The following DPYD variants were observed in gnomAD, a reference collection of about 807,000 sequenced individuals.
The protein encoded by DPYD is dihydropyrimidine dehydrogenase [NADP(+)].
DPYD carries 109 observed loss-of-function variants against 116.2 expected under a neutral mutation model. That is an observed-to-expected ratio of 0.94 (90% CI 0.80 to 1.10). The LOEUF is 1.10. DPYD is among the 50% of genes least tolerant of loss of function. The pLI, the probability that DPYD is intolerant of heterozygous loss-of-function variation, is 0.00. For missense variants in DPYD, 1,302 were observed against 1,254.5 expected (o/e 1.04, Z -0.57); for synonymous variants, 440 against 432.0 (o/e 1.02, Z -0.23).
chr1:97,677,756 A>C (rs1660222610), intron 8 of DPYD, among the ~76,000 whole-genome samples: 1 of 152,006 alleles, frequency 6.6e-6, no homozygotes, highest in Non-Finnish European at 1.5e-5. Context: ...ATTGCTTTCC[A>C]TAATTTTTTG....
chr1:97,301,336 G>T (rs1666849036), intron 18 of DPYD, among the ~76,000 whole-genome samples: 1 of 152,000 alleles, frequency 6.6e-6, no homozygotes, highest in African/African-American at 2.4e-5. Context: ...CTTCAAACAA[G>T]CATTCAAAAT....
chr1:97,655,771 C>T (rs1449940639), intron 8 of DPYD, among the ~76,000 whole-genome samples: 3 of 152,182 alleles, frequency 2.0e-5, no homozygotes, highest in Non-Finnish European at 2.9e-5. Flanking sequence ...AAACTGTACA[C>T]ATTTGATATA....
chr1:97,903,744 A>G (rs1236433785), intron 1 of DPYD, among the ~76,000 whole-genome samples: 2 of 151,980 alleles, frequency 1.3e-5, no homozygotes, highest in Non-Finnish European at 1.5e-5. Context: ...CCAAATATCT[A>G]GAGTTTTAAA....
intron 18 of DPYD, among the ~76,000 whole-genome samples, chr1:97,303,033 T>C (rs1349575936): frequency 4.6e-5 from 7 of 151,972 alleles, no homozygotes; most frequent in Admixed American, 3.9e-4. Flanking sequence ...TCCTGAAATG[T>C]GCCCAGTTTT....
At chr1:97,525,789 A>AGAGAGAGAGAGAGT (rs1431555133) in intron 12 of DPYD, among the ~76,000 whole-genome samples, 22 of 142,610 alleles carry the variant, frequency 1.5e-4, no homozygotes, top group African/African-American at 2.7e-4. Flanking sequence ...AGAGAGAGAG[A>AGAGAGAGAGAGAGT]GTGTGTGTGT....
intron 19 of DPYD, among the ~76,000 whole-genome samples, chr1:97,232,809 C>A (rs1661665965): frequency 6.6e-6 from 1 of 152,044 alleles, no homozygotes; most frequent in Non-Finnish European, 1.5e-5. Context: ...TTGTTTCAAT[C>A]ATACTTGTAG....
intron 7 of DPYD, among the ~76,000 whole-genome samples, chr1:97,687,972 T>G (rs768936672): frequency 3.3e-5 from 5 of 151,976 alleles, no homozygotes; most frequent in Non-Finnish European, 5.9e-5. Flanking sequence ...CTGGGGCCAG[T>G]TGAGTGGGGC....
rs144439286 is a variant in DPYD, at chr1:97,750,465, T to C, written c.234-9986A>G. On this transcript the variant is annotated intron_variant, in intron 3 of 22. Coordinates refer to ENST00000370192, the MANE Select transcript of DPYD (RefSeq NM_000110.4). Reference sequence around the variant, plus strand: ...GACTAAGATTTGGGATAGATTTTACTTTTCACAATGCTATATTGTTTGCGT... The same window carrying C: ...GACTAAGATTTGGGATAGATTTTACCTTTCACAATGCTATATTGTTTGCGT... 2.4e-3 allele frequency among the ~76,000 whole-genome samples: 360 copies of C among 152,318 alleles called. 5 individuals are homozygous for C. The highest frequency in any genetic ancestry group is 8.3e-3 in the African/African-American group (345 of 41,574).
At chr1:97,870,563 T>C (rs1210480680) in intron 2 of DPYD, among the ~76,000 whole-genome samples, 2 of 151,948 alleles carry the variant, frequency 1.3e-5, no homozygotes, top group East Asian at 3.9e-4. Context: ...GTACATGCAA[T>C]ATTAATGATC....
chr1:97,252,156 T>C (rs1663145698), intron 18 of DPYD, among the ~76,000 whole-genome samples: 1 of 152,126 alleles, frequency 6.6e-6, no homozygotes, highest in African/African-American at 2.4e-5. Context: ...CTTTCTCTAT[T>C]TGCTATTTTT....
chr1:97,137,724 T>C (rs1371252063), intron 20 of DPYD, among the ~76,000 whole-genome samples: 1 of 152,202 alleles, frequency 6.6e-6, no homozygotes, highest in Non-Finnish European at 1.5e-5. Context: ...CAAGCAGGCC[T>C]AAAGTATTTA....
chr1:97,488,677 G>A (rs1356394793), intron 13 of DPYD, among the ~76,000 whole-genome samples: 1 of 152,110 alleles, frequency 6.6e-6, no homozygotes, highest in Non-Finnish European at 1.5e-5. Context: ...CAGGGCCAGG[G>A]CAGAAGCAGC....
At chr1:97,293,528 T>G (rs1558006628) in intron 18 of DPYD, among the ~76,000 whole-genome samples, 1 of 152,214 alleles carries the variant, frequency 6.6e-6, no homozygotes. Context: ...GCATAACATG[T>G]GAAAAGCTCC....
chr1:97,578,946 A>G (rs993549126), intron 10 of DPYD, among the ~76,000 whole-genome samples: 1 of 152,254 alleles, frequency 6.6e-6, no homozygotes, highest in African/African-American at 2.4e-5. Flanking sequence ...TACACAGAAC[A>G]TATTATCTTA....
At chr1:97,632,225 A>C (rs552748510) in intron 8 of DPYD, among the ~76,000 whole-genome samples, 1 of 152,218 alleles carries the variant, frequency 6.6e-6, no homozygotes, top group Non-Finnish European at 1.5e-5. Flanking sequence ...TAAATGTTCA[A>C]TGAAACATCC....
At chr1:97,109,733 G>A (rs1239076678) in intron 20 of DPYD, among the ~76,000 whole-genome samples, 1 of 152,026 alleles carries the variant, frequency 6.6e-6, no homozygotes, top group Non-Finnish European at 1.5e-5. Flanking sequence ...CCTATTTAGA[G>A]TTACAGTTCA....
In DPYD at chr1:97,515,821, C is replaced by G. The variant is rs140039091; in HGVS notation, c.1645G>C (p.Ala549Pro). Residue 549 changes from alanine (A) to proline (P), a missense_variant, in exon 13 of 23, where the codon GCT (alanine) becomes CCT (proline). By Grantham distance (27) the Ala-to-Pro change is conservative. Coordinates refer to ENST00000370192, the MANE Select transcript of DPYD (RefSeq NM_000110.4). ...GTGCTGGTGGCTGGAGTTGCGCTAG[C>G]AAGACCAAAAGGATTTATAAACTTC... ...GLKFINPFGL[A>P]SATPATSTSM... is the part of the protein sequence containing the mutation. 1.4e-5 allele frequency: 23 copies of G among 1,612,780 alleles called. No individual in the cohort carries two copies. Among genetic ancestry groups the G allele is most frequent in the Non-Finnish European group, 1.7e-5 (20 of 1,179,298 alleles).
At chr1:97,468,045 T>C (rs1677428533) in intron 13 of DPYD, among the ~76,000 whole-genome samples, 2 of 152,182 alleles carry the variant, frequency 1.3e-5, no homozygotes, top group Non-Finnish European at 2.9e-5. Flanking sequence ...ACAGGCACTA[T>C]AATCTCTGTC....
intron 12 of DPYD, among the ~76,000 whole-genome samples, chr1:97,530,218 T>C (rs1349938925): frequency 1.7e-5 from 2 of 114,724 alleles, no homozygotes; most frequent in Non-Finnish European, 3.5e-5. Flanking sequence ...TTTTTTCTTT[T>C]TTTTTTTTTT....
Sources: allele counts gnomAD v4.1 joint callset (sites outside exome capture counted in the v4.1 genomes callset), GRCh38; gene constraint gnomAD v4.1.1; transcripts MANE v1.5; gene names NCBI Gene and HGNC (gene_info 2026-07-23, HGNC 2026-07-21).